The following DACH1 variants were observed in gnomAD, a reference collection of about 807,000 sequenced individuals.
The protein encoded by DACH1 is dachshund homolog 1.
In DACH1, 12 loss-of-function variants were observed where a neutral mutation model predicts 54.2. The ratio of observed to expected loss-of-function variants is 0.22; its 90% CI spans 0.14 to 0.36. The LOEUF is 0.36. DACH1 is among the 10% of genes least tolerant of loss of function. The probability of loss-of-function intolerance (pLI) is 1.00; values close to 1 mark genes in which losing one functional copy is unlikely to be tolerated. For synonymous variants in DACH1, 386 were observed against 366.2 expected (o/e 1.05, Z -0.62); for missense variants, 805 against 929.8 (o/e 0.87, Z 1.75).
At chr13:71,677,517 G>A (rs961301005) in intron 2 of DACH1, among the ~76,000 whole-genome samples, 2 of 150,714 alleles carry the variant, frequency 1.3e-5, no homozygotes, top group African/African-American at 5.0e-5. Context: ...TTTTGTATTT[G>A]TTTTTGTTTT....
intron 3 of DACH1, among the ~76,000 whole-genome samples, chr13:71,612,443 C>G (rs2138519245): frequency 6.6e-6 from 1 of 152,122 alleles, no homozygotes; most frequent in East Asian, 1.9e-4. Context: ...TAAACTAGAA[C>G]TCAAATTTCT....
In DACH1 at chr13:71,797,347, A is replaced by G. The variant is rs1001071828; in HGVS notation, c.848+68575T>C. On this transcript the variant is annotated intron_variant, in intron 1 of 10. Transcript: ENST00000613252. Reference sequence around the variant, plus strand: ...TGATGTGATCAAAAAAATTAAGCTGAAAATTAGAAAAGTAATCCCAATAAA... The same window carrying G: ...TGATGTGATCAAAAAAATTAAGCTGGAAATTAGAAAAGTAATCCCAATAAA... 2.6e-5 allele frequency among the ~76,000 whole-genome samples: 4 copies of G among 152,156 alleles called. No individual in the cohort carries two copies. In the South Asian group the frequency reaches 8.3e-4, roughly 31 times the overall value.
At chr13:71,585,051 C>T (rs1469944955) in intron 3 of DACH1, among the ~76,000 whole-genome samples, 1 of 152,090 alleles carries the variant, frequency 6.6e-6, no homozygotes, top group Non-Finnish European at 1.5e-5. Flanking sequence ...ACAAAATAGA[C>T]ATTGAAATCA....
intron 6 of DACH1, among the ~76,000 whole-genome samples, chr13:71,494,436 A>G (rs1391883780): frequency 6.6e-6 from 1 of 152,116 alleles, no homozygotes; most frequent in Non-Finnish European, 1.5e-5. Flanking sequence ...TTATTATAAA[A>G]TAAGTTTCGT....
intron 1 of DACH1, among the ~76,000 whole-genome samples, chr13:71,726,961 G>T (rs1883500640): frequency 6.6e-6 from 1 of 151,938 alleles, no homozygotes; most frequent in Non-Finnish European, 1.5e-5. Flanking sequence ...TACATATTTT[G>T]TTAAAGACCA....
At chr13:71,667,132 A>C (rs1186800030) in intron 2 of DACH1, among the ~76,000 whole-genome samples, 1 of 152,196 alleles carries the variant, frequency 6.6e-6, no homozygotes, top group African/African-American at 2.4e-5. Flanking sequence ...CTGAGAAAAA[A>C]ACAGCAGCAC....
chr13:71,673,974 G>C (rs541483786), intron 2 of DACH1, among the ~76,000 whole-genome samples: 79 of 152,196 alleles, frequency 5.2e-4, no homozygotes, highest in African/African-American at 1.9e-3. Flanking sequence ...GCCTAACTGT[G>C]CTTAATGGGA....
At chr13:71,791,715 C>T (rs1886840868) in intron 1 of DACH1, among the ~76,000 whole-genome samples, 2 of 152,116 alleles carry the variant, frequency 1.3e-5, no homozygotes, top group Non-Finnish European at 2.9e-5. Flanking sequence ...AAGTACTAAC[C>T]TTCCAAGTGA....
At chr13:71,725,790 TA>T (rs1883443151) in intron 1 of DACH1, among the ~76,000 whole-genome samples, 1 of 152,006 alleles carries the variant, frequency 6.6e-6, no homozygotes, top group South Asian at 2.1e-4. Flanking sequence ...AATACAGTAT[TA>T]AAAAATATGA....
At chr13:71,706,702 AT>A (rs1183470337) in intron 1 of DACH1, among the ~76,000 whole-genome samples, 1 of 151,936 alleles carries the variant, frequency 6.6e-6, no homozygotes, top group Non-Finnish European at 1.5e-5. Context: ...TTCTATATCT[AT>A]TTTTTTCAGA....
intron 2 of DACH1, among the ~76,000 whole-genome samples, chr13:71,647,134 T>C (rs1204012011): frequency 2.0e-5 from 3 of 152,216 alleles, no homozygotes; most frequent in Non-Finnish European, 1.5e-5. Context: ...TTTATAACTG[T>C]TAATAAAAAT....
chr13:71,802,255 C>T (rs566298754), intron 1 of DACH1, among the ~76,000 whole-genome samples: 21 of 151,652 alleles, frequency 1.4e-4, no homozygotes, highest in South Asian at 4.2e-4. Flanking sequence ...ATTCCAGGAT[C>T]GATTTAAATT....
chr13:71,616,110 C>T (rs1365508668), intron 3 of DACH1, among the ~76,000 whole-genome samples: 1 of 152,084 alleles, frequency 6.6e-6, no homozygotes, highest in Admixed American at 6.6e-5. Flanking sequence ...CACATGGCAC[C>T]AGATTTTGTA....
At chr13:71,488,856 A>C in intron 7 of DACH1, 141 bp downstream of exon 7, 1 of 598,128 alleles carries the variant, frequency 1.7e-6, no homozygotes. Flanking sequence ...AACAGGTTTA[A>C]AATCTAAGTT....
rs1347343809 is a variant in DACH1, at chr13:71,438,224, A to C, written c.*2431T>G. 1 of 152,378 alleles carries C rather than the reference A, an allele frequency of 6.6e-6. No individual in the cohort carries two copies. The highest frequency in any genetic ancestry group is 2.4e-5 in the African/African-American group (1 of 41,438). The allele number at this position is 152,378 out of a possible 1,614,324, so 9.4% of individuals were successfully genotyped here. ...AGACAATTTTCATAGGTCCTACATG[A>C]AGATGAGTATGTTCTGTTCCAAGGG... On this transcript the variant is annotated 3_prime_UTR_variant, in exon 11 of 11. Transcript: ENST00000613252.
At chr13:71,486,803 T>A (rs1209865101) in intron 7 of DACH1, among the ~76,000 whole-genome samples, 665 of 26,096 alleles carry the variant, frequency 0.025, 4 homozygotes, top group Non-Finnish European at 0.083. Flanking sequence ...AATTAATTTA[T>A]TTATTTATTT....
intron 3 of DACH1, among the ~76,000 whole-genome samples, chr13:71,599,771 T>G (rs1487116123): frequency 6.6e-6 from 1 of 151,972 alleles, no homozygotes; most frequent in Non-Finnish European, 1.5e-5. Flanking sequence ...TTTTTTTACA[T>G]GTATATAAAA....
At chr13:71,837,897 C>T (rs576135763) in intron 1 of DACH1, among the ~76,000 whole-genome samples, 16 of 148,398 alleles carry the variant, frequency 1.1e-4, no homozygotes, top group Non-Finnish European at 1.9e-4. Context: ...AGTAAACTAT[C>T]GCAAGAACAA....
At chr13:71,767,072 A>C (rs1025724590) in intron 1 of DACH1, among the ~76,000 whole-genome samples, 7 of 152,064 alleles carry the variant, frequency 4.6e-5, no homozygotes, top group African/African-American at 1.4e-4. Context: ...GACAGAGTAC[A>C]TTTTCCTAAT....
Sources: allele counts gnomAD v4.1 joint callset (sites outside exome capture counted in the v4.1 genomes callset), GRCh38; gene constraint gnomAD v4.1.1; transcripts MANE v1.5; gene names NCBI Gene and HGNC (gene_info 2026-07-23, HGNC 2026-07-21).